COPG2: variants seen among roughly 807,000 people sequenced by gnomAD.
The protein encoded by COPG2 is coat protein complex I subunit gamma 2, also known as coatomer subunit gamma-2.
A neutral mutation model predicts 46.3 loss-of-function variants in COPG2; 37 were observed. The ratio of observed to expected loss-of-function variants is 0.80; its 90% confidence interval spans 0.61 to 1.05. The LOEUF is 1.05. COPG2 is among the 50% of genes least tolerant of loss of function. The pLI is 0.00. For synonymous variants in COPG2, 159 were observed against 129.7 expected (o/e 1.23, Z -1.53); for missense variants, 427 against 387.8 (o/e 1.10, Z -0.85).
Position 130,612,135 on chromosome 7 carries a change from T to G in COPG2, c.579+17A>C. 1.9e-6 allele frequency: 3 copies of G among 1,548,628 alleles called. No individual in the cohort carries two copies. The highest frequency in any genetic ancestry group is 2.7e-6 in the Non-Finnish European group (3 of 1,122,678). ...ATGCTGATCCTGAGACAAGCTAATG[T>G]GATTCAATGACAATACCTGGACCAT... On this transcript the variant is annotated intron_variant, in intron 8 of 23. Coordinates refer to ENST00000425248, the MANE Select transcript of COPG2 (RefSeq NM_012133.6).
At chr7:130,551,140 C>A (rs1449465120) in intron 16 of COPG2, 101 bp downstream of exon 16, 4 of 394,414 alleles carry the variant, frequency 1.0e-5, no homozygotes, top group Non-Finnish European at 1.8e-5. Context: ...AGACAAAAAC[C>A]AAGCATTTGC....
rs550008633 is a variant in COPG2 at position 130,590,549 on chromosome 7, C to T, written c.737+20404G>A. Among the ~76,000 whole-genome samples, 99 of 152,208 alleles carry T rather than the reference C, an allele frequency of 6.5e-4. 1 individual carries two copies. The South Asian group carries it at 0.011, about 18-fold the overall frequency. On this transcript the variant is annotated intron_variant, in intron 9 of 23. Transcript: ENST00000425248. Reference sequence around the variant, plus strand: ...CCGGGATGGCAGACGGAGTTGCGTTCACTCAGTGCTCAATGGTGCCCAGGC... The same window carrying T: ...CCGGGATGGCAGACGGAGTTGCGTTTACTCAGTGCTCAATGGTGCCCAGGC...
intron 20 of COPG2, among the ~76,000 whole-genome samples, chr7:130,518,067 G>T (rs1379069240): frequency 6.6e-6 from 1 of 152,206 alleles, no homozygotes; most frequent in African/African-American, 2.4e-5. Context: ...CATTTATACA[G>T]CATTGCAAAC....
intron 12 of COPG2, among the ~76,000 whole-genome samples, chr7:130,557,715 T>A (rs1422134718): frequency 6.8e-6 from 1 of 147,604 alleles, no homozygotes; most frequent in Non-Finnish European, 1.5e-5. Flanking sequence ...CTTGGGAGGC[T>A]GAGGCAGGAG....
intron 12 of COPG2, among the ~76,000 whole-genome samples, chr7:130,557,843 G>C (rs1185791431): frequency 5.4e-5 from 1 of 18,372 alleles, no homozygotes; most frequent in Non-Finnish European, 1.2e-4. Context: ...AAAAAATCAT[G>C]CAAGAATAGC....
At chr7:130,613,704 C>A in intron 6 of COPG2, 68 bp from the exon 7 acceptor site, 2 of 1,024,244 alleles carry the variant, frequency 2.0e-6, no homozygotes, top group Admixed American at 2.1e-5. Flanking sequence ...TCTTATGCTT[C>A]AAAATAATTT....
intron 9 of COPG2, among the ~76,000 whole-genome samples, chr7:130,577,654 G>C (rs533822651): frequency 1.7e-4 from 26 of 151,276 alleles, no homozygotes; most frequent in African/African-American, 6.1e-4. Flanking sequence ...CCAGCTACTC[G>C]GGAGGCTGAG....
intron 20 of COPG2, among the ~76,000 whole-genome samples, chr7:130,540,342 A>G (rs1188015111): frequency 2.0e-5 from 3 of 152,088 alleles, no homozygotes; most frequent in Non-Finnish European, 2.9e-5. Flanking sequence ...TTAGGAAACA[A>G]CTGAGAACTC....
At position 130,506,786 on chromosome 7, in the gene COPG2, CAT is replaced by C. The variant is rs1799499932; in HGVS notation, c.2504_2505del (p.Tyr835Ter). 1.3e-6 allele frequency: 1 copy of C among 779,608 alleles called. No individual in the cohort carries two copies. Among genetic ancestry groups the C allele is most frequent in the Non-Finnish European group, 2.4e-6 (1 of 417,394 alleles). 48.3% of individuals were successfully genotyped at this position (779,608 alleles called of 1,614,324 possible). On this transcript the variant is annotated frameshift_variant, in exon 24 of 24. Coordinates refer to ENST00000425248, the MANE Select transcript of COPG2 (RefSeq NM_012133.6). LOFTEE classifies it high-confidence loss of function. ...GCCAGCCTGGACCTCACCAATAAATCATAGCCACCTCTGAATATACCTGAGAG... is the reference window on the plus strand; with the variant it reads ...GCCAGCCTGGACCTCACCAATAAATCAGCCACCTCTGAATATACCTGAGAG... ...LYLAGIFRGG[Y>X]DLLVRSRLAL... is the part of the protein sequence containing the mutation.
intron 9 of COPG2, among the ~76,000 whole-genome samples, chr7:130,591,768 G>A (rs1387899255): frequency 6.8e-6 from 1 of 147,166 alleles, no homozygotes; most frequent in Non-Finnish European, 1.5e-5. Context: ...CCCCGTCCGG[G>A]AGGGAAGTGG....
At chr7:130,552,078 T>C (rs1793540799) in intron 15 of COPG2, among the ~76,000 whole-genome samples, 1 of 152,088 alleles carries the variant, frequency 6.6e-6, no homozygotes. Flanking sequence ...GAAGAGAAGC[T>C]CTATAAATAA....
chr7:130,658,471 A>G (rs1554460170), intron 4 of COPG2, among the ~76,000 whole-genome samples: 1 of 152,156 alleles, frequency 6.6e-6, no homozygotes, highest in African/African-American at 2.4e-5. Context: ...TGGTGATAAC[A>G]CCACTATATG....
chr7:130,521,832 T>C (rs976813842), intron 20 of COPG2, among the ~76,000 whole-genome samples: 20 of 151,844 alleles, frequency 1.3e-4, no homozygotes, highest in Non-Finnish European at 2.5e-4. Context: ...TGATTAAAGA[T>C]GGACCAAAGA....
At position 130,663,020 on chromosome 7, in the gene COPG2, T is replaced by C; in HGVS notation, c.190A>G (p.Thr64Ala). The C allele has an allele frequency of 6.5e-7, 1 of 1,546,154 alleles. No homozygotes were observed. Among genetic ancestry groups the C allele is most frequent in the Non-Finnish European group, 8.7e-7 (1 of 1,147,436 alleles). ...GCAAAGAAGGCTTCTGTAGCTTCCG[T>C]TGTTCCAAAGTGTTCACCCTAAGTA... ...LLNQGEHFGT[T>A]EATEAFFAMT... Residue 64 changes from threonine to alanine, a missense_variant, in exon 4 of 24, where the codon ACG becomes GCG. Coordinates refer to ENST00000425248, the MANE Select transcript of COPG2 (RefSeq NM_012133.6).
intron 9 of COPG2, among the ~76,000 whole-genome samples, chr7:130,606,298 AAGAAAAGAAAGAAAG>A (rs1454902071): frequency 6.6e-6 from 1 of 151,726 alleles, no homozygotes; most frequent in African/African-American, 2.4e-5. Context: ...GAGAGAGAGA[AAGAAAAGAAAGAAAG>A]AGAAAAGAAA....
Position 130,613,439 on chromosome 7 carries a change from CA to C in COPG2, c.492+104del. The stretch of plus-strand genomic sequence containing the variant: ...TTGGATAAAGTAATAGAGGTGTATA[CA>C]TATTTTTAACTGTTTCATTTGTGAG... On this transcript the variant is annotated intron_variant, in intron 7 of 23. Transcript: ENST00000425248. 6.6e-6 allele frequency: 5 copies of C among 758,794 alleles called. No individual in the cohort carries two copies. In the Admixed American group the frequency reaches 1.2e-4, roughly 17 times the overall value. 47.0% of individuals were successfully genotyped at this position (758,794 alleles called of 1,614,324 possible).
rs138411209 is a variant in COPG2, at chr7:130,624,168, C to CTT, written c.324-7104_324-7103insAA. 9.8e-3 allele frequency among the ~76,000 whole-genome samples: 1,492 copies of CTT among 152,236 alleles called. 23 individuals are homozygous for CTT. Among genetic ancestry groups the CTT allele is most frequent in the African/African-American group, 0.034 (1,415 of 41,544 alleles). On this transcript the variant is annotated intron_variant, in intron 5 of 23. Coordinates refer to ENST00000425248, the MANE Select transcript of COPG2 (RefSeq NM_012133.6). ...ATTCCAATCCCAAGGGCTCCATCCT[C>CTT]ATAATCTAATCACCCCCAAAGGCCT...
chr7:130,516,064 A>G (rs1799675324), intron 20 of COPG2, among the ~76,000 whole-genome samples: 1 of 152,182 alleles, frequency 6.6e-6, no homozygotes. Context: ...TATGGAACTG[A>G]CATACACAGT....
intron 4 of COPG2, among the ~76,000 whole-genome samples, chr7:130,656,931 T>C (rs1401883282): frequency 6.6e-6 from 1 of 150,576 alleles, no homozygotes; most frequent in Non-Finnish European, 1.5e-5. Context: ...TTTTTATATC[T>C]ATATAAAAAG....
Sources: allele counts gnomAD v4.1 joint callset (sites outside exome capture counted in the v4.1 genomes callset), GRCh38; gene constraint gnomAD v4.1.1; transcripts MANE v1.5; gene names NCBI Gene and HGNC (gene_info 2026-07-23, HGNC 2026-07-21).